ATP1A2: variants seen among roughly 807,000 people sequenced by gnomAD.
ATP1A2 encodes ATPase Na+/K+ transporting subunit alpha 2, also known as sodium/potassium-transporting ATPase subunit alpha-2.
Under a neutral mutation model 113.1 loss-of-function variants are expected in ATP1A2, and 56 were observed. That is an observed-to-expected ratio of 0.49 (90% CI 0.40 to 0.62). ATP1A2 has a LOEUF of 0.62. Among genes scored for constraint, ATP1A2 ranks in the 20% least tolerant of loss-of-function variants. The probability of loss-of-function intolerance (pLI) is 0.00; values close to 1 mark genes in which losing one functional copy is unlikely to be tolerated. For missense variants in ATP1A2, 712 were observed against 1,357.8 expected (o/e 0.52, Z 7.47); for synonymous variants, 490 against 526.8 (o/e 0.93, Z 0.96).
intron 13 of ATP1A2, among the ~76,000 whole-genome samples, chr1:160,131,944 C>T (rs1035140268): frequency 4.6e-5 from 7 of 152,186 alleles, no homozygotes; most frequent in African/African-American, 9.6e-5. Flanking sequence ...TCTGCTTGAC[C>T]GGAAAGCCTG....
intron 3 of ATP1A2, among the ~76,000 whole-genome samples, chr1:160,121,598 T>C (rs1651401611): frequency 6.6e-6 from 1 of 152,280 alleles, no homozygotes; most frequent in Non-Finnish European, 1.5e-5. Flanking sequence ...GCACATGGGC[T>C]GACAGCCCAT....
chr1:160,125,281 A>T, intron 7 of ATP1A2, 28 bp downstream of exon 7: 1 of 1,574,086 alleles, frequency 6.4e-7, no homozygotes, highest in Admixed American at 1.7e-5. Flanking sequence ...CCCCTGTAGG[A>T]AAGAGTCTGA....
At chr1:160,121,063 C>T in intron 2 of ATP1A2, 53 bp downstream of exon 2, 1 of 1,608,530 alleles carries the variant, frequency 6.2e-7, no homozygotes, top group Non-Finnish European at 8.5e-7. Context: ...GAGAGCTGTC[C>T]CTGCAGCCCA....
intron 3 of ATP1A2, among the ~76,000 whole-genome samples, chr1:160,122,042 G>T (rs1651415817): frequency 6.6e-6 from 1 of 152,170 alleles, no homozygotes; most frequent in Non-Finnish European, 1.5e-5. Flanking sequence ...TGAAGCAGGA[G>T]AATGGCTTGA....
intron 6 of ATP1A2, 136 bp downstream of exon 6, chr1:160,124,566 C>T (rs1651524149): frequency 7.4e-7 from 1 of 1,359,426 alleles, no homozygotes; most frequent in East Asian, 2.5e-5. Context: ...CCCTGCTAAA[C>T]CTTCTCTCAG....
chr1:160,130,118 G>A lies in ATP1A2; in HGVS notation c.1478G>A (p.Arg493Gln), dbSNP rs773318002. 1.6e-5 allele frequency: 26 copies of A among 1,614,204 alleles called. No individual in the cohort carries two copies. Among genetic ancestry groups the A allele is most frequent in the South Asian group, 8.8e-5 (8 of 91,086 alleles). ...TCTCTCCAGCTGTCTATCCACGAGC[G>A]AGAAGACAGCCCCCAGAGCCACGTG... ...TNKYQLSIHE[R>Q]EDSPQSHVLV... The change falls in exon 12 of 23, where the codon CGA (arginine) becomes CAA (glutamine). Residue 493 changes from arginine to glutamine, a missense_variant. Physicochemically the swap from Arg to Gln is conservative, Grantham distance 43. Coordinates refer to ENST00000361216, the MANE Select transcript of ATP1A2 (RefSeq NM_000702.4).
rs1184972190 is a variant in ATP1A2, at chr1:160,127,805, T to C, written c.1002T>C (p.Leu334=). 4 of 1,605,528 alleles carry C rather than the reference T, an allele frequency of 2.5e-6. No individual in the cohort carries two copies. Among genetic ancestry groups the C allele is most frequent in the Admixed American group, 3.4e-5 (2 of 59,632 alleles). ...TAGTGGCCAACGTGCCTGAGGGGCT[T>C]CTGGCCACTGTCACTGTGAGTGGGT... ...GIIVANVPEG[L]LATVTVCLTL... is the part of the protein sequence containing the mutation. The change falls in exon 8 of 23, where the codon CTT becomes CTC. Residue 334 remains leucine, a synonymous_variant. Coordinates refer to ENST00000361216, the MANE Select transcript of ATP1A2 (RefSeq NM_000702.4).
chr1:160,124,568 TTC>T, intron 6 of ATP1A2, 138 bp downstream of exon 6: 1 of 1,339,696 alleles, frequency 7.5e-7, no homozygotes, highest in Non-Finnish European at 1.0e-6. Flanking sequence ...CTGCTAAACC[TTC>T]TCTCAGTGTG....
chr1:160,118,090 T>A (rs978102558), intron 1 of ATP1A2, among the ~76,000 whole-genome samples: 1 of 152,188 alleles, frequency 6.6e-6, no homozygotes, highest in Non-Finnish European at 1.5e-5. Context: ...AGGGGCAGTG[T>A]GTCTCAAGCT....
chr1:160,124,465 T>C (rs745817373), intron 6 of ATP1A2, 35 bp downstream of exon 6: 2 of 1,582,868 alleles, frequency 1.3e-6, no homozygotes, highest in Admixed American at 1.8e-5. Flanking sequence ...CAGTTGAGTC[T>C]AAGGAGAAGG....
In ATP1A2 at chr1:160,136,414, C is replaced by A. The variant is rs369264689; in HGVS notation, c.2563+44C>A. The A allele has an allele frequency of 5.6e-6, 9 of 1,612,986 alleles. 1 individual carries two copies. The South Asian group carries it at 9.9e-5, about 18-fold the overall frequency. On this transcript the variant is annotated intron_variant, in intron 18 of 22. Coordinates refer to ENST00000361216, the MANE Select transcript of ATP1A2 (RefSeq NM_000702.4). The stretch of plus-strand genomic sequence containing the variant: ...CTCGGGAGGGAACCCCAACAGGGTT[C>A]TTTTCCCAGCTTTCAGAGGAATGAG...
chr1:160,132,180 T>A (rs1034676033), intron 13 of ATP1A2, among the ~76,000 whole-genome samples: 1 of 152,202 alleles, frequency 6.6e-6, no homozygotes, highest in Non-Finnish European at 1.5e-5. Flanking sequence ...GGGAACAGTG[T>A]GTACCCTGGC....
intron 7 of ATP1A2, among the ~76,000 whole-genome samples, chr1:160,126,748 G>A (rs1317860130): frequency 6.6e-6 from 1 of 152,122 alleles, no homozygotes; most frequent in Admixed American, 6.5e-5. Flanking sequence ...TGGGATTACA[G>A]GCATGAGCCA....
chr1:160,137,247 C>T (rs558593528), intron 20 of ATP1A2: 219 of 683,408 alleles, frequency 3.2e-4, no homozygotes, highest in East Asian at 2.8e-3. Flanking sequence ...CTCTCTCCAC[C>T]TTTCTTCTCT....
At chr1:160,137,171 T>C (rs1481861237) in intron 20 of ATP1A2, 140 bp downstream of exon 20, 11 of 1,392,334 alleles carry the variant, frequency 7.9e-6, no homozygotes, top group African/African-American at 1.4e-5. Flanking sequence ...TGTATATCCA[T>C]AGATAGGTTT....
chr1:160,127,842 G>A, intron 8 of ATP1A2, 22 bp downstream of exon 8: 1 of 1,567,972 alleles, frequency 6.4e-7, no homozygotes, highest in South Asian at 1.2e-5. Context: ...AGGCTGAGGT[G>A]CCACCAGGGG....
chr1:160,115,967 A>G (rs1293139156), intron 1 of ATP1A2, 94 bp downstream of exon 1: 2 of 1,532,608 alleles, frequency 1.3e-6, no homozygotes, highest in Non-Finnish European at 8.9e-7. Context: ...AAGGAGCGGG[A>G]GAGAGGAGCT....
chr1:160,133,307 C>A lies in ATP1A2; in HGVS notation c.1828-1177C>A, dbSNP rs535388898. Reference sequence around the variant, plus strand: ...CTTTTCATTTTTCAATTGAGAGGCCCCTGTGGCCTTTGGGTGGCAGTTTCA... The same window carrying A: ...CTTTTCATTTTTCAATTGAGAGGCCACTGTGGCCTTTGGGTGGCAGTTTCA... On this transcript the variant is annotated intron_variant, in intron 13 of 22. Coordinates refer to ENST00000361216, the MANE Select transcript of ATP1A2 (RefSeq NM_000702.4). Among the ~76,000 whole-genome samples the A allele has an allele frequency of 3.9e-5, 6 of 152,190 alleles. No homozygotes were observed. In the South Asian group the frequency reaches 1.2e-3, roughly 32 times the overall value.
At chr1:160,138,028 G>T (rs1365235877) in intron 20 of ATP1A2, among the ~76,000 whole-genome samples, 2 of 152,214 alleles carry the variant, frequency 1.3e-5, no homozygotes, top group African/African-American at 4.8e-5. Flanking sequence ...TCTGGGGCCT[G>T]GGACTTGCTA....
Sources: gnomAD v4.1 joint callset for allele counts (sites outside exome capture counted in the v4.1 genomes callset) on GRCh38, gnomAD v4.1.1 for gene constraint, MANE v1.5 for transcripts, NCBI Gene and HGNC (gene_info 2026-07-23, HGNC 2026-07-21) for gene names.